C10orf90: variants seen among roughly 807,000 people sequenced by gnomAD.
The protein encoded by C10orf90 is (E2-independent) E3 ubiquitin-conjugating enzyme FATS.
A neutral mutation model predicts 62.5 loss-of-function variants in C10orf90; 56 were observed. The ratio of observed to expected loss-of-function variants is 0.90; its 90% CI spans 0.72 to 1.12. The LOEUF (loss-of-function observed/expected upper bound fraction) is 1.12. C10orf90 is among the 50% of genes most tolerant of loss of function. The pLI is 0.00. For synonymous variants in C10orf90, 386 were observed against 340.4 expected, an observed-to-expected ratio of 1.13 and a Z score of -1.47; for missense variants, 970 against 880.4, an observed-to-expected ratio of 1.10 and a Z score of -1.29.
intron 4 of C10orf90, chr10:126,496,822 C>A: frequency 3.4e-6 from 2 of 587,176 alleles, no homozygotes; most frequent in Non-Finnish European, 4.3e-6. Context: ...CTGTCCTCCA[C>A]CCAGCCCACA....
chr10:126,643,610 C>A (rs539106523), intron 2 of C10orf90, among the ~76,000 whole-genome samples: 1 of 152,202 alleles, frequency 6.6e-6, no homozygotes, highest in Non-Finnish European at 1.5e-5. Context: ...AGGGTCCGCA[C>A]GCTCTTGCTG....
chr10:126,590,522 TA>T (rs1444012936), intron 2 of C10orf90, among the ~76,000 whole-genome samples: 1 of 152,132 alleles, frequency 6.6e-6, no homozygotes, highest in Non-Finnish European at 1.5e-5. Context: ...TAGAACTTAA[TA>T]TTAAGAATCT....
chr10:126,493,477 A>C (rs1005283249), intron 4 of C10orf90, among the ~76,000 whole-genome samples: 2 of 151,394 alleles, frequency 1.3e-5, no homozygotes, highest in Non-Finnish European at 2.9e-5. Context: ...TCATCTGCCT[A>C]AGTCTCGCAA....
At chr10:126,509,682 C>T (rs1862978937) in intron 3 of C10orf90, among the ~76,000 whole-genome samples, 2 of 152,112 alleles carry the variant, frequency 1.3e-5, no homozygotes, top group Admixed American at 6.5e-5. Context: ...TCAGCTTTGA[C>T]AAAAAGTCCC....
At chr10:126,429,756 C>T (rs376385821) in intron 8 of C10orf90, 31 bp downstream of exon 8, 144 of 1,607,252 alleles carry the variant, frequency 9.0e-5, no homozygotes, top group Non-Finnish European at 1.2e-4. Flanking sequence ...CCCCCACCAA[C>T]TTCTTTGCAC....
chr10:126,478,263 C>T (rs1381559133), intron 4 of C10orf90, among the ~76,000 whole-genome samples: 1 of 152,184 alleles, frequency 6.6e-6, no homozygotes, highest in Non-Finnish European at 1.5e-5. Flanking sequence ...GTTCTGCCAC[C>T]CTTTAAGTGG....
intron 3 of C10orf90, among the ~76,000 whole-genome samples, chr10:126,511,252 A>G (rs148170590): frequency 9.2e-5 from 14 of 152,182 alleles, no homozygotes; most frequent in Non-Finnish European, 1.8e-4. Context: ...CTCACTCTCC[A>G]TCATGAAATT....
intron 2 of C10orf90, among the ~76,000 whole-genome samples, chr10:126,536,077 T>C (rs1259894339): frequency 6.6e-6 from 1 of 152,160 alleles, no homozygotes; most frequent in Non-Finnish European, 1.5e-5. Flanking sequence ...TCCGCAAGAT[T>C]TGGGTCTCCC....
chr10:126,629,762 C>T (rs898917207), intron 2 of C10orf90, among the ~76,000 whole-genome samples: 2 of 152,264 alleles, frequency 1.3e-5, no homozygotes, highest in African/African-American at 4.8e-5. Flanking sequence ...CTTTCCATTA[C>T]TAAATCCACA....
chr10:126,605,399 A>G (rs897061560), intron 2 of C10orf90, among the ~76,000 whole-genome samples: 3 of 152,030 alleles, frequency 2.0e-5, no homozygotes, highest in African/African-American at 7.2e-5. Context: ...TGCCAGGTGC[A>G]AAAGGAGACT....
intron 2 of C10orf90, among the ~76,000 whole-genome samples, chr10:126,528,424 T>C (rs1864006363): frequency 6.6e-6 from 1 of 152,072 alleles, no homozygotes; most frequent in Non-Finnish European, 1.5e-5. Flanking sequence ...GAAAAACAGG[T>C]CCAACAGGGC....
At chr10:126,642,637 T>C (rs1039412346) in intron 2 of C10orf90, among the ~76,000 whole-genome samples, 1 of 152,132 alleles carries the variant, frequency 6.6e-6, no homozygotes, top group African/African-American at 2.4e-5. Flanking sequence ...CTCCATCCTC[T>C]TCCCAACTCA....
intron 2 of C10orf90, among the ~76,000 whole-genome samples, chr10:126,569,414 A>G (rs994786611): frequency 1.3e-5 from 2 of 152,162 alleles, no homozygotes; most frequent in Non-Finnish European, 2.9e-5. Context: ...TGTAAGGTCC[A>G]ACTCACCCCA....
chr10:126,433,631 T>C (rs1417787069), intron 7 of C10orf90, among the ~76,000 whole-genome samples: 1 of 152,114 alleles, frequency 6.6e-6, no homozygotes, highest in Non-Finnish European at 1.5e-5. Context: ...CCTGGCGCAA[T>C]TGCCTTCAGG....
At chr10:126,513,287 A>T (rs1268760667) in intron 3 of C10orf90, among the ~76,000 whole-genome samples, 4 of 152,158 alleles carry the variant, frequency 2.6e-5, no homozygotes, top group Non-Finnish European at 4.4e-5. Flanking sequence ...TAGTTTTCTC[A>T]TTTTTAGGTA....
intron 2 of C10orf90, among the ~76,000 whole-genome samples, chr10:126,546,444 C>A (rs941622709): frequency 6.6e-6 from 1 of 152,172 alleles, no homozygotes; most frequent in Admixed American, 6.5e-5. Context: ...ATCTCTTCCC[C>A]TCCCCACCAG....
chr10:126,440,169 C>T (rs1858211866), intron 7 of C10orf90, among the ~76,000 whole-genome samples: 1 of 151,522 alleles, frequency 6.6e-6, no homozygotes, highest in Non-Finnish European at 1.5e-5. Flanking sequence ...AGTTCTTAGC[C>T]CTGCTTGTCC....
intron 4 of C10orf90, among the ~76,000 whole-genome samples, chr10:126,491,191 A>T (rs1270134222): frequency 6.6e-6 from 1 of 152,248 alleles, no homozygotes. Context: ...GACATGGAAG[A>T]ATTTCAAAAG....
At chr10:126,587,661 TCTGCTAGAGC>T (rs1438293473) in intron 2 of C10orf90, among the ~76,000 whole-genome samples, 1 of 152,224 alleles carries the variant, frequency 6.6e-6, no homozygotes, top group Non-Finnish European at 1.5e-5. Flanking sequence ...ATAGCAATGC[TCTGCTAGAGC>T]CTTAGAGGTG....
Sources: gnomAD v4.1 joint callset for allele counts (sites outside exome capture counted in the v4.1 genomes callset) on GRCh38, gnomAD v4.1.1 for gene constraint, MANE v1.5 for transcripts, NCBI Gene and HGNC (gene_info 2026-07-23, HGNC 2026-07-21) for gene names.